SEC14L1: variants seen among roughly 807,000 people sequenced by gnomAD.
The protein encoded by SEC14L1 is SEC14-like protein 1.
In SEC14L1, 48 loss-of-function variants were observed where a neutral mutation model predicts 85.3. The observed-to-expected ratio is 0.56, with a 90% confidence interval of 0.45 to 0.72. SEC14L1 has a LOEUF of 0.72. Among genes scored for constraint, SEC14L1 ranks in the 30% least tolerant of loss-of-function variants. The pLI is 0.00. For missense variants in SEC14L1, 682 were observed against 921.4 expected (o/e 0.74, Z 3.36); for synonymous variants, 391 against 355.5 (o/e 1.10, Z -1.12).
In SEC14L1 at chr17:77,214,482, C is replaced by T; in HGVS notation, c.*459C>T. On this transcript the variant is annotated 3_prime_UTR_variant, in exon 17 of 17. Coordinates refer to ENST00000436233, the MANE Select transcript of SEC14L1 (RefSeq NM_001143998.2). The stretch of plus-strand genomic sequence containing the variant: ...CTGCCTCATGGCCCGCACGCCGCCT[C>T]ACGGCCCCCATGCTTCCCGCCAGTC... 26 of 1,001,738 alleles carry T rather than the reference C, an allele frequency of 2.6e-5. No homozygotes were observed. The highest frequency in any genetic ancestry group is 3.1e-5 in the Non-Finnish European group (26 of 839,080). The allele number at this position is 1,001,738 out of a possible 1,614,324, so 62.1% of individuals were successfully genotyped here.
intron 3 of SEC14L1, chr17:77,185,234 A>C (rs1254105750): frequency 5.1e-6 from 5 of 985,364 alleles, no homozygotes; most frequent in Non-Finnish European, 4.8e-6. Flanking sequence ...TGGCAGAGTG[A>C]CAGGCTTGGA....
chr17:77,174,837 T>A (rs548163641), intron 3 of SEC14L1, among the ~76,000 whole-genome samples: 18 of 152,362 alleles, frequency 1.2e-4, no homozygotes, highest in African/African-American at 2.2e-4. Context: ...GCCGCCTGCA[T>A]CTGTTACGAC....
rs1401135548 is a variant in SEC14L1, at chr17:77,142,636, T to A, written c.-135-10T>A. 2.0e-5 allele frequency: 3 copies of A among 152,252 alleles called. No homozygotes were observed. In the East Asian group the frequency reaches 5.8e-4, roughly 29 times the overall value. 9.4% of individuals were successfully genotyped at this position (152,252 alleles called of 1,614,324 possible). A position where few individuals can be genotyped will look rare whatever the true frequency, so the allele number is the denominator to read the frequency against. ...CTTGGTAATTTGTCTCTCTCTTTTT[T>A]TTTTAACAGCTAGACTTCGGGCTCC... On this transcript the variant is annotated splice_polypyrimidine_tract_variant and intron_variant, in intron 1 of 16. Transcript: ENST00000436233.
chr17:77,151,497 C>T (rs1019600866), intron 3 of SEC14L1, among the ~76,000 whole-genome samples: 1 of 151,982 alleles, frequency 6.6e-6, no homozygotes, highest in African/African-American at 2.4e-5. Flanking sequence ...GTCTTTAATG[C>T]GCTAGAGTGA....
intron 3 of SEC14L1, among the ~76,000 whole-genome samples, chr17:77,129,350 G>T (rs560966463): frequency 4.8e-4 from 73 of 152,158 alleles, no homozygotes; most frequent in African/African-American, 1.4e-3. Context: ...GGCTACTGAG[G>T]TGGCTCAATC....
chr17:77,185,353 C>T (rs1975220746), intron 3 of SEC14L1: 12 of 985,418 alleles, frequency 1.2e-5, no homozygotes, highest in Non-Finnish European at 1.2e-5. Flanking sequence ...AGCCTGGATA[C>T]CTTAAATGCC....
chr17:77,163,763 C>T (rs914119406), intron 3 of SEC14L1, among the ~76,000 whole-genome samples: 1 of 152,196 alleles, frequency 6.6e-6, no homozygotes, highest in African/African-American at 2.4e-5. Context: ...TCTCATAAAA[C>T]CCCCAGCCTT....
At chr17:77,194,946 G>A (rs751099415) in intron 7 of SEC14L1, 35 bp downstream of exon 7, 18 of 1,524,326 alleles carry the variant, frequency 1.2e-5, no homozygotes, top group Non-Finnish European at 1.6e-5. Context: ...CGAGAGCAAG[G>A]CTAGGGAAGT....
At chr17:77,092,274 G>A (rs568151935) in intron 2 of SEC14L1, among the ~76,000 whole-genome samples, 3 of 152,308 alleles carry the variant, frequency 2.0e-5, no homozygotes, top group Non-Finnish European at 4.4e-5. Flanking sequence ...TGAGTCATAC[G>A]CCGTGGAGGG....
At chr17:77,183,102 TA>T (rs569936056) in intron 3 of SEC14L1, among the ~76,000 whole-genome samples, 232 of 152,360 alleles carry the variant, frequency 1.5e-3, no homozygotes, top group African/African-American at 5.4e-3. Flanking sequence ...CAAAAGACAA[TA>T]AAAACTGTAG....
intron 3 of SEC14L1, among the ~76,000 whole-genome samples, chr17:77,132,467 C>T (rs900658396): frequency 3.3e-5 from 5 of 152,126 alleles, no homozygotes; most frequent in Non-Finnish European, 5.9e-5. Flanking sequence ...TCAGGTGATC[C>T]ACCCGCCTCT....
chr17:77,206,685 G>C lies in SEC14L1; in HGVS notation c.1342-43G>C. 2 of 1,561,552 alleles carry C rather than the reference G, an allele frequency of 1.3e-6. No individual in the cohort carries two copies. The highest frequency in any genetic ancestry group is 2.4e-5 in the South Asian group (2 of 81,756). ...TTGTCATTTTAATCTTGGACACTCA[G>C]GCAGCAGAGAAATATGACTGCATGG... On this transcript the variant is annotated intron_variant, in intron 12 of 16. Coordinates refer to ENST00000436233, the MANE Select transcript of SEC14L1 (RefSeq NM_001143998.2). This position sits in a 1 kb window ranked among gnomAD's most constrained non-coding sequence, Gnocchi z 4.3.
intron 3 of SEC14L1, among the ~76,000 whole-genome samples, chr17:77,099,574 T>C (rs1567867786): frequency 6.6e-6 from 1 of 152,168 alleles, no homozygotes; most frequent in Non-Finnish European, 1.5e-5. Flanking sequence ...CTGGCCAACA[T>C]GGTGAAACCT....
chr17:77,186,907 G>T (rs1336828832), intron 3 of SEC14L1, among the ~76,000 whole-genome samples: 2 of 152,122 alleles, frequency 1.3e-5, no homozygotes, highest in Non-Finnish European at 2.9e-5. Flanking sequence ...TAACACCAAA[G>T]GTTTCTTCCT....
At chr17:77,197,714 A>G (rs75522734) in intron 8 of SEC14L1, among the ~76,000 whole-genome samples, 10,723 of 151,686 alleles carry the variant, frequency 0.071, 465 homozygotes, top group East Asian at 0.27. Flanking sequence ...GGTTCAGGCT[A>G]TTCTCCTGCC....
intron 3 of SEC14L1, among the ~76,000 whole-genome samples, chr17:77,107,614 T>TC (rs34184297): frequency 0.16 from 24,530 of 151,816 alleles, 2,965 homozygotes; most frequent in African/African-American, 0.34. Flanking sequence ...GGTCAGAAGA[T>TC]CCCCACCCAC....
intron 5 of SEC14L1, among the ~76,000 whole-genome samples, chr17:77,192,269 A>C (rs181382665): frequency 6.6e-6 from 1 of 152,158 alleles, no homozygotes; most frequent in Non-Finnish European, 1.5e-5. Context: ...AGATTTTTAG[A>C]ATACTCTCCT....
chr17:77,110,245 G>A (rs1378590605), intron 3 of SEC14L1, among the ~76,000 whole-genome samples: 4 of 152,150 alleles, frequency 2.6e-5, no homozygotes, highest in Non-Finnish European at 5.9e-5. Flanking sequence ...ACGCATTCTT[G>A]GTTGCAGAGA....
intron 3 of SEC14L1, among the ~76,000 whole-genome samples, chr17:77,155,676 T>C (rs1161554792): frequency 6.6e-6 from 1 of 152,236 alleles, no homozygotes; most frequent in African/African-American, 2.4e-5. Context: ...CATTGTAAAC[T>C]TGACTGTGCT....
Sources: gnomAD v4.1 joint callset for allele counts (sites outside exome capture counted in the v4.1 genomes callset) on GRCh38, gnomAD v4.1.1 for gene constraint, Gnocchi (gnomAD v3.1) non-coding constraint, MANE v1.5 for transcripts, NCBI Gene and HGNC (gene_info 2026-07-23, HGNC 2026-07-21) for gene names.